The following GALNT17 variants were observed in gnomAD, a reference collection of about 807,000 sequenced individuals.
GALNT17 encodes the protein UDP-GalNAc:polypeptide N-acetylgalactosaminyltransferase-like 3.
GALNT17 carries 29 observed loss-of-function variants against 63.7 expected under a neutral mutation model. The ratio of observed to expected loss-of-function variants is 0.46; its 90% confidence interval spans 0.34 to 0.62. The LOEUF (loss-of-function observed/expected upper bound fraction) is 0.62, where lower values mean the gene tolerates loss of function less well. GALNT17 is among the 20% of genes least tolerant of loss of function. The pLI, the probability that GALNT17 is intolerant of heterozygous loss-of-function variation, is 0.01. For synonymous variants in GALNT17, 305 were observed against 318.3 expected (o/e 0.96, Z 0.45); for missense variants, 603 against 799.6 (o/e 0.75, Z 2.97).
At chr7:71,166,978 G>A (rs1406406976) in intron 1 of GALNT17, among the ~76,000 whole-genome samples, 2 of 151,254 alleles carry the variant, frequency 1.3e-5, no homozygotes, top group Non-Finnish European at 2.9e-5. Flanking sequence ...CAGCTCAAGT[G>A]ATCCTTCCAC....
chr7:71,329,652 G>A (rs971171063), intron 1 of GALNT17, among the ~76,000 whole-genome samples: 5 of 150,872 alleles, frequency 3.3e-5, no homozygotes, highest in African/African-American at 1.2e-4. Flanking sequence ...GACAGAGCCA[G>A]GAGAGAGAGA....
rs148943784 is a variant in GALNT17 at position 71,709,963 on chromosome 7, G to C, written c.1501-798G>C. ...TTTTTGTTTCTTTTCATACCTATGA[G>C]GTTGAGTACTGTTTAATGTCTGTTT... On this transcript the variant is annotated intron_variant, in intron 9 of 10. Coordinates refer to ENST00000333538, the MANE Select transcript of GALNT17 (RefSeq NM_022479.3). Among the ~76,000 whole-genome samples the C allele has an allele frequency of 7.3e-3, 1,108 of 152,258 alleles. 21 individuals are homozygous for C. Among genetic ancestry groups the C allele is most frequent in the African/African-American group, 0.024 (1,011 of 41,544 alleles).
intron 6 of GALNT17, among the ~76,000 whole-genome samples, chr7:71,579,332 C>T (rs776183211): frequency 1.6e-4 from 24 of 152,188 alleles, no homozygotes; most frequent in Non-Finnish European, 2.4e-4. Context: ...TTGGTGAGTG[C>T]CTTCTGTAGC....
At chr7:71,148,771 C>CT (rs112837403) in intron 1 of GALNT17, among the ~76,000 whole-genome samples, 11,767 of 149,896 alleles carry the variant, frequency 0.079, 596 homozygotes, top group African/African-American at 0.13. Context: ...TGGTAGCGTA[C>CT]TTTTTCCCCC....
At chr7:71,552,018 ATTTATTTATTTAT>A (rs1353443712) in intron 5 of GALNT17, among the ~76,000 whole-genome samples, 33 of 58,102 alleles carry the variant, frequency 5.7e-4, no homozygotes, top group Non-Finnish European at 8.6e-4. Context: ...CTTTTTATTT[ATTTATTTATTTAT>A]TTATTTATTT....
chr7:71,699,915 G>A (rs55812691), intron 9 of GALNT17, among the ~76,000 whole-genome samples: 20,680 of 151,848 alleles, frequency 0.14, 1,595 homozygotes, highest in African/African-American at 0.2. Context: ...CCTGAGTGAT[G>A]GAGTGAGACC....
intron 6 of GALNT17, among the ~76,000 whole-genome samples, chr7:71,605,222 C>G (rs575259166): frequency 3.9e-5 from 6 of 152,138 alleles, no homozygotes; most frequent in Admixed American, 3.9e-4. Context: ...TTTATTTATT[C>G]TTTTGCTCAT....
chr7:71,450,350 G>A (rs887588533), intron 5 of GALNT17, among the ~76,000 whole-genome samples: 1 of 151,978 alleles, frequency 6.6e-6, no homozygotes, highest in Non-Finnish European at 1.5e-5. Flanking sequence ...GGCCAGGCTG[G>A]TCTCGTCGCG....
intron 1 of GALNT17, among the ~76,000 whole-genome samples, chr7:71,146,862 G>A (rs1016687817): frequency 6.6e-6 from 1 of 152,204 alleles, no homozygotes; most frequent in African/African-American, 2.4e-5. Context: ...ACCACGTTCA[G>A]ACACCAACAC....
At chr7:71,519,387 C>T (rs1474955177) in intron 5 of GALNT17, among the ~76,000 whole-genome samples, 1 of 152,178 alleles carries the variant, frequency 6.6e-6, no homozygotes, top group Non-Finnish European at 1.5e-5. Flanking sequence ...GTATCATTTC[C>T]TTTGCCTTAC....
At chr7:71,559,999 G>C (rs1015022212) in intron 5 of GALNT17, among the ~76,000 whole-genome samples, 1 of 151,616 alleles carries the variant, frequency 6.6e-6, no homozygotes, top group Non-Finnish European at 1.5e-5. Flanking sequence ...TTCGAGACCA[G>C]CCTAGCCAAG....
chr7:71,308,372 A>G (rs1173123321), intron 1 of GALNT17, among the ~76,000 whole-genome samples: 1 of 152,118 alleles, frequency 6.6e-6, no homozygotes, highest in South Asian at 2.1e-4. Context: ...ATTCCTTGGC[A>G]TTGCCTTTTA....
chr7:71,462,126 C>T (rs1170810306), intron 5 of GALNT17, among the ~76,000 whole-genome samples: 1 of 152,166 alleles, frequency 6.6e-6, no homozygotes, highest in African/African-American at 2.4e-5. Context: ...CTCAGCCACC[C>T]AGAGTCCTCC....
chr7:71,227,930 C>G (rs754806485), intron 1 of GALNT17, among the ~76,000 whole-genome samples: 1 of 152,076 alleles, frequency 6.6e-6, no homozygotes, highest in Non-Finnish European at 1.5e-5. Context: ...GGTGCTATGT[C>G]GGTTTCTCTG....
chr7:71,259,900 C>A, intron 1 of GALNT17, among the ~76,000 whole-genome samples: 1 of 152,158 alleles, frequency 6.6e-6, no homozygotes, highest in African/African-American at 2.4e-5. Context: ...CTCGGCCTCC[C>A]AAAGTGCTGA....
At chr7:71,137,930 C>A (rs539284321) in intron 1 of GALNT17, among the ~76,000 whole-genome samples, 1 of 152,332 alleles carries the variant, frequency 6.6e-6, no homozygotes, top group East Asian at 1.9e-4. Context: ...TGTTAATAGC[C>A]TGCTCTTGAC....
At chr7:71,511,620 C>A (rs564654485) in intron 5 of GALNT17, among the ~76,000 whole-genome samples, 1 of 152,282 alleles carries the variant, frequency 6.6e-6, no homozygotes, top group Admixed American at 6.5e-5. Flanking sequence ...CCCCTGCTAG[C>A]CTAAGTATCA....
intron 6 of GALNT17, among the ~76,000 whole-genome samples, chr7:71,646,166 C>T (rs551182414): frequency 1.3e-5 from 2 of 152,308 alleles, no homozygotes; most frequent in African/African-American, 2.4e-5. Flanking sequence ...ACCTTACTGA[C>T]GTTTTAACAC....
chr7:71,145,750 G>A (rs1788009228), intron 1 of GALNT17, among the ~76,000 whole-genome samples: 1 of 152,050 alleles, frequency 6.6e-6, no homozygotes, highest in Admixed American at 6.6e-5. Context: ...TCGTTGCCCA[G>A]GCCGGAGTGC....
Sources: allele counts gnomAD v4.1 joint callset (sites outside exome capture counted in the v4.1 genomes callset), GRCh38; gene constraint gnomAD v4.1.1; transcripts MANE v1.5; gene names NCBI Gene and HGNC (gene_info 2026-07-23, HGNC 2026-07-21).